The following INPP5D variants were observed in gnomAD, a reference collection of about 807,000 sequenced individuals.
INPP5D encodes inositol polyphosphate-5-phosphatase D, also known as phosphatidylinositol 3,4,5-trisphosphate 5-phosphatase 1.
INPP5D carries 33 observed loss-of-function variants against 122.9 expected under a neutral mutation model. That is an observed-to-expected ratio of 0.27 (90% CI 0.20 to 0.36). INPP5D has a LOEUF of 0.36. INPP5D is among the 10% of genes least tolerant of loss of function. The probability of loss-of-function intolerance (pLI) is 1.00; values close to 1 mark genes in which losing one functional copy is unlikely to be tolerated. For synonymous variants in INPP5D, 584 were observed against 576.2 expected (o/e 1.01, Z -0.19); for missense variants, 1,053 against 1,412.7 (o/e 0.75, Z 4.08).
chr2:233,204,975 T>G (rs1309583270), intron 26 of INPP5D: 1 of 484,722 alleles, frequency 2.1e-6, no homozygotes, highest in Non-Finnish European at 3.5e-6. Context: ...CAGCAGTTGT[T>G]AAAAGGAAGA....
chr2:233,125,633 C>T, intron 3 of INPP5D, 112 bp from the exon 4 acceptor site: 2 of 932,216 alleles, frequency 2.1e-6, no homozygotes, highest in Non-Finnish European at 3.2e-6. Flanking sequence ...CACGGGGACG[C>T]AGATGGAGAT....
intron 25 of INPP5D, among the ~76,000 whole-genome samples, chr2:233,199,699 C>T (rs767704205): frequency 1.5e-4 from 22 of 151,596 alleles, no homozygotes; most frequent in Non-Finnish European, 3.2e-4. Context: ...TGTGCTGGCA[C>T]GCACCTGTAG....
chr2:233,061,038 G>C (rs1691058573), intron 1 of INPP5D, among the ~76,000 whole-genome samples: 1 of 152,204 alleles, frequency 6.6e-6, no homozygotes, highest in South Asian at 2.1e-4. Context: ...GGAGCACCCA[G>C]GCTTCGGGCC....
chr2:233,109,639 C>T (rs1692560262), intron 2 of INPP5D, among the ~76,000 whole-genome samples: 1 of 152,188 alleles, frequency 6.6e-6, no homozygotes, highest in East Asian at 1.9e-4. Context: ...AGTACAATGG[C>T]GCGATCTCGG....
At chr2:233,145,426 C>T (rs1693732657) in intron 6 of INPP5D, 2 of 436,588 alleles carry the variant, frequency 4.6e-6, no homozygotes, top group Non-Finnish European at 9.3e-6. Flanking sequence ...CTCCATTCAG[C>T]AGGGAAGACA....
At chr2:233,106,234 G>A (rs1692465255) in intron 2 of INPP5D, among the ~76,000 whole-genome samples, 2 of 152,184 alleles carry the variant, frequency 1.3e-5, no homozygotes, top group South Asian at 4.1e-4. Context: ...CAGGTCTGCT[G>A]TGGTTGGCTA....
At chr2:233,118,374 T>C (rs1324994272) in intron 2 of INPP5D, among the ~76,000 whole-genome samples, 1 of 152,144 alleles carries the variant, frequency 6.6e-6, no homozygotes, top group Non-Finnish European at 1.5e-5. Flanking sequence ...ACCATGCTCC[T>C]CACCACCCAC....
At position 233,188,770 on chromosome 2, in the gene INPP5D, C is replaced by T. The variant is rs1694981212; in HGVS notation, c.2359-1080C>T. ...TAGAGACGGGGTTTCACCATGTTGG[C>T]CAGGCTGGTCTTGAACTCCTGACCT... On this transcript the variant is annotated intron_variant, in intron 21 of 26. Transcript: ENST00000445964. This position sits in a 1 kb window ranked among gnomAD's most constrained non-coding sequence, Gnocchi z 4.7. 6.6e-6 allele frequency among the ~76,000 whole-genome samples: 1 copy of T among 152,144 alleles called. No homozygotes were observed. Among genetic ancestry groups the T allele is most frequent in the Admixed American group, 6.5e-5 (1 of 15,278 alleles).
rs1381589165 is a variant in INPP5D at position 233,185,932 on chromosome 2, C to G, written c.2358+7C>G. On this transcript the variant is annotated splice_region_variant and intron_variant, in intron 21 of 26. Transcript: ENST00000445964. ...TGGTGAGACTCTTCCAAAGGTAATT[C>G]TAGAGCAAGGCATTCCCCAGAGGGA... 1.3e-6 allele frequency: 2 copies of G among 1,591,784 alleles called. No individual in the cohort carries two copies. Among genetic ancestry groups the G allele is most frequent in the Non-Finnish European group, 1.7e-6 (2 of 1,168,574 alleles).
chr2:233,134,285 G>C, intron 5 of INPP5D: 1 of 297,830 alleles, frequency 3.4e-6, no homozygotes, highest in Non-Finnish European at 6.7e-6. Flanking sequence ...GGATGCATTT[G>C]GGGAATCATG....
At chr2:233,142,094 G>A (rs2106274903) in intron 6 of INPP5D, among the ~76,000 whole-genome samples, 1 of 152,334 alleles carries the variant, frequency 6.6e-6, no homozygotes, top group Non-Finnish European at 1.5e-5. Flanking sequence ...TTAGAAGCGA[G>A]AAAAAGCCTC....
At chr2:233,071,724 T>C (rs1023942816) in intron 1 of INPP5D, among the ~76,000 whole-genome samples, 1 of 152,238 alleles carries the variant, frequency 6.6e-6, no homozygotes, top group Admixed American at 6.5e-5. Flanking sequence ...CCTGCATATT[T>C]ATTGTTATAA....
At chr2:233,101,825 C>T (rs2106234327) in intron 2 of INPP5D, among the ~76,000 whole-genome samples, 1 of 149,508 alleles carries the variant, frequency 6.7e-6, no homozygotes, top group South Asian at 2.1e-4. Context: ...ATCAGTTTTA[C>T]CTCTTCCTTG....
In INPP5D at chr2:233,204,495, G is replaced by A. The variant is rs758496349; in HGVS notation, c.3345G>A (p.Pro1115=). ...AGACCCCGGTCAGCTCCCAGGCCCC[G>A]GTGCCGGCCAAGAGGCCCATCAAGC... ...KPKTPVSSQA[P]VPAKRPIKPS... is the part of the protein sequence containing the mutation. The change falls in exon 26 of 27, where the codon CCG becomes CCA. Residue 1115 remains proline (P), a synonymous_variant. Transcript: ENST00000445964. The A allele has an allele frequency of 5.1e-6, 8 of 1,582,392 alleles. No individual in the cohort carries two copies. Among genetic ancestry groups the A allele is most frequent in the Admixed American group, 3.6e-5 (2 of 55,304 alleles).
In INPP5D at chr2:233,174,452, C is replaced by T. The variant is rs565163584; in HGVS notation, c.1990-2813C>T. On this transcript the variant is annotated intron_variant, in intron 17 of 26. Transcript: ENST00000445964. The stretch of plus-strand genomic sequence containing the variant: ...GTACATGACTATTTGTGGAGCCCCA[C>T]GGGTAATTCTCAGAGGCAGCTGATG... Among the ~76,000 whole-genome samples, 441 of 152,322 alleles carry T rather than the reference C, an allele frequency of 2.9e-3. 2 individuals carry two copies. Among genetic ancestry groups the T allele is most frequent in the African/African-American group, 0.01 (418 of 41,570 alleles).
At chr2:233,194,230 T>C (rs2106323254) in intron 23 of INPP5D, among the ~76,000 whole-genome samples, 1 of 152,236 alleles carries the variant, frequency 6.6e-6, no homozygotes, top group South Asian at 2.1e-4. Flanking sequence ...CCTTTAGGCC[T>C]TGTCATTCCC....
At chr2:233,176,467 G>A (rs1192090492) in intron 17 of INPP5D, among the ~76,000 whole-genome samples, 1 of 141,160 alleles carries the variant, frequency 7.1e-6, no homozygotes, top group African/African-American at 2.7e-5. Flanking sequence ...GTGGATGGAT[G>A]GGTGGATAGG....
intron 5 of INPP5D, 95 bp from the exon 6 acceptor site, chr2:233,139,747 G>T: frequency 2.5e-6 from 1 of 394,896 alleles, no homozygotes; most frequent in South Asian, 1.3e-4. Flanking sequence ...GCTGGACTGA[G>T]GGTGCCCTCA....
chr2:233,098,684 A>G (rs1190826608), intron 2 of INPP5D, among the ~76,000 whole-genome samples: 1 of 152,070 alleles, frequency 6.6e-6, no homozygotes, highest in East Asian at 1.9e-4. Flanking sequence ...TCTTAACCCC[A>G]GGCCATCCCA....
Sources: allele counts gnomAD v4.1 joint callset (sites outside exome capture counted in the v4.1 genomes callset), GRCh38; gene constraint gnomAD v4.1.1; non-coding constraint Gnocchi (gnomAD v3.1); transcripts MANE v1.5; gene names NCBI Gene and HGNC (gene_info 2026-07-23, HGNC 2026-07-21).